ASIC2: variants seen among roughly 807,000 people sequenced by gnomAD.
ASIC2 encodes acid sensing ion channel subunit 2.
A neutral mutation model predicts 57.3 loss-of-function variants in ASIC2; 25 were observed. That is an observed-to-expected ratio of 0.44 (90% CI 0.32 to 0.61). The LOEUF is 0.61. Among genes scored for constraint, ASIC2 ranks in the 20% least tolerant of loss-of-function variants. The probability of loss-of-function intolerance (pLI) is 0.06; values close to 1 mark genes in which losing one functional copy is unlikely to be tolerated. For missense variants in ASIC2, 641 were observed against 738.1 expected (o/e 0.87, Z 1.52); for synonymous variants, 319 against 307.5 (o/e 1.04, Z -0.39).
chr17:33,880,545 A>G (rs548783888), intron 1 of ASIC2, among the ~76,000 whole-genome samples: 85 of 152,318 alleles, frequency 5.6e-4, no homozygotes, highest in African/African-American at 2.0e-3. Context: ...CACCCTCCCA[A>G]GACTAAACCA....
chr17:33,085,957 A>G (rs2141962605), intron 3 of ASIC2, among the ~76,000 whole-genome samples: 1 of 152,336 alleles, frequency 6.6e-6, no homozygotes, highest in South Asian at 2.1e-4. Flanking sequence ...GAAAATACAG[A>G]CATGAATGGG....
chr17:33,288,100 G>T (rs995436789), intron 1 of ASIC2, among the ~76,000 whole-genome samples: 2 of 152,136 alleles, frequency 1.3e-5, no homozygotes, highest in African/African-American at 4.8e-5. Context: ...CATCAGATAT[G>T]ATTCCTACTC....
At chr17:33,936,247 G>C (rs1364764743) in intron 1 of ASIC2, 1 of 152,214 alleles carries the variant, frequency 6.6e-6, no homozygotes, top group African/African-American at 2.4e-5. Context: ...TGCCCACAAA[G>C]GTCTGGAATT....
intron 1 of ASIC2, among the ~76,000 whole-genome samples, chr17:33,591,606 G>A (rs1325808466): frequency 6.6e-6 from 1 of 152,106 alleles, no homozygotes; most frequent in African/African-American, 2.4e-5. Flanking sequence ...ACCCACCATT[G>A]CACCTGTCTC....
chr17:33,657,100 G>A (rs72811196), intron 1 of ASIC2, among the ~76,000 whole-genome samples: 5,784 of 152,218 alleles, frequency 0.038, 160 homozygotes, highest in South Asian at 0.12. Flanking sequence ...CCCCTCTGGC[G>A]GCTCATGTGT....
intron 1 of ASIC2, among the ~76,000 whole-genome samples, chr17:33,207,263 A>G (rs1330798773): frequency 6.6e-6 from 1 of 152,204 alleles, no homozygotes; most frequent in Non-Finnish European, 1.5e-5. Context: ...GTTTCATTTA[A>G]AGCATTGATG....
chr17:33,625,229 A>G (rs1041779852), intron 1 of ASIC2, among the ~76,000 whole-genome samples: 5 of 151,084 alleles, frequency 3.3e-5, no homozygotes, highest in African/African-American at 9.7e-5. Context: ...CTATCTGTCT[A>G]TCTATCTATC....
rs191449904 is a variant in ASIC2, at chr17:34,030,665, C to A, written c.555+125313G>T. On this transcript the variant is annotated intron_variant, in intron 1 of 9. Coordinates refer to the ASIC2 transcript ENST00000359872. ...TCGGGTCACTCCCACCCTAATACTG[C>A]GCTTTTCCAATGGGCTTAAACAACG... Among the ~76,000 whole-genome samples the A allele has an allele frequency of 4.6e-5, 7 of 152,304 alleles. 1 individual carries two copies. The East Asian group carries it at 9.7e-4, about 21-fold the overall frequency.
chr17:34,084,848 T>C (rs1372048493), intron 1 of ASIC2, among the ~76,000 whole-genome samples: 2 of 152,206 alleles, frequency 1.3e-5, no homozygotes, highest in Non-Finnish European at 2.9e-5. Flanking sequence ...TTGTCTGTTA[T>C]TGGTGTATAA....
chr17:33,414,600 C>T (rs1048865799), intron 1 of ASIC2, among the ~76,000 whole-genome samples: 4 of 152,320 alleles, frequency 2.6e-5, no homozygotes, highest in Admixed American at 6.5e-5. Context: ...TACCGCTAGG[C>T]TCATGTGCCC....
chr17:33,374,601 T>C (rs1909207685), intron 1 of ASIC2, among the ~76,000 whole-genome samples: 1 of 152,212 alleles, frequency 6.6e-6, no homozygotes, highest in Non-Finnish European at 1.5e-5. Context: ...TTTACTGCAA[T>C]GCTGTGGTCT....
intron 1 of ASIC2, among the ~76,000 whole-genome samples, chr17:33,244,440 A>G (rs925565141): frequency 6.6e-6 from 1 of 152,256 alleles, no homozygotes; most frequent in Non-Finnish European, 1.5e-5. Flanking sequence ...TACGTGAGCC[A>G]ACACATAAAA....
intron 1 of ASIC2, among the ~76,000 whole-genome samples, chr17:33,304,057 A>G (rs1906070596): frequency 6.6e-6 from 1 of 152,250 alleles, no homozygotes; most frequent in East Asian, 1.9e-4. Context: ...GAGGGAAAAA[A>G]TAACAAATTG....
chr17:33,629,259 G>A lies in ASIC2; in HGVS notation c.556-517192C>T, dbSNP rs191054520. Among the ~76,000 whole-genome samples, 1,007 of 152,118 alleles carry A rather than the reference G, an allele frequency of 6.6e-3. 16 individuals carry two copies. The highest frequency in any genetic ancestry group is 0.022 in the African/African-American group (921 of 41,470). ...CAGCTTTTCTTCCACTTTTCAGTTT[G>A]GTTAAGATCTGAAGTCTCCCATGAT... is the stretch of plus-strand genomic sequence containing the variant. On this transcript the variant is annotated intron_variant, in intron 1 of 9. Transcript: ENST00000359872.
chr17:33,768,169 C>T (rs1910990685), intron 1 of ASIC2, among the ~76,000 whole-genome samples: 1 of 151,264 alleles, frequency 6.6e-6, no homozygotes, highest in Non-Finnish European at 1.5e-5. Flanking sequence ...CCACCGCGCC[C>T]TGCTAATTTT....
At chr17:33,844,972 C>T (rs1413513452) in intron 1 of ASIC2, among the ~76,000 whole-genome samples, 1 of 152,170 alleles carries the variant, frequency 6.6e-6, no homozygotes, top group Non-Finnish European at 1.5e-5. Context: ...CGCCATGTAG[C>T]CAATGTACAG....
At chr17:33,880,144 G>C (rs1230924793) in intron 1 of ASIC2, among the ~76,000 whole-genome samples, 1 of 152,124 alleles carries the variant, frequency 6.6e-6, no homozygotes, top group Non-Finnish European at 1.5e-5. Context: ...ATGCCCACAA[G>C]AGAAAGCAGG....
At chr17:34,099,737 A>G (rs56679481) in intron 1 of ASIC2, among the ~76,000 whole-genome samples, 4 of 350 alleles carry the variant, frequency 0.011, no homozygotes, top group African/African-American at 0.022. Context: ...AAAGAAGGAA[A>G]GAAAGAAAGA....
At chr17:33,390,248 G>A (rs1207476570) in intron 1 of ASIC2, among the ~76,000 whole-genome samples, 1 of 152,014 alleles carries the variant, frequency 6.6e-6, no homozygotes, top group Non-Finnish European at 1.5e-5. Flanking sequence ...AGGAGCCGGA[G>A]GTTGCAGTGA....
Sources: allele counts gnomAD v4.1 joint callset (sites outside exome capture counted in the v4.1 genomes callset), GRCh38; gene constraint gnomAD v4.1.1; transcripts MANE v1.5; gene names NCBI Gene and HGNC (gene_info 2026-07-23, HGNC 2026-07-21).